NSD3: variants seen among roughly 807,000 people sequenced by gnomAD.
NSD3 encodes the protein nuclear receptor binding SET domain protein 3, also known as histone-lysine N-methyltransferase NSD3.
NSD3 carries 24 observed loss-of-function variants against 160.8 expected under a neutral mutation model. The ratio of observed to expected loss-of-function variants is 0.15; its 90% CI spans 0.11 to 0.21. NSD3 has a LOEUF of 0.21. Ranked by LOEUF, NSD3 falls within the 10% of genes least tolerant of loss-of-function variation. The pLI is 1.00. For synonymous variants in NSD3, 520 were observed against 600.0 expected, an observed-to-expected ratio of 0.87 and a Z score of 1.95; for missense variants, 1,157 against 1,735.9, an observed-to-expected ratio of 0.67 and a Z score of 5.93.
chr8:38,342,908 C>T (rs558491170), intron 2 of NSD3, among the ~76,000 whole-genome samples: 9 of 151,762 alleles, frequency 5.9e-5, no homozygotes, highest in South Asian at 2.1e-4. Context: ...GAGTATACTA[C>T]AGGCCAGGTG....
chr8:38,313,772 A>T (rs1809591024), intron 12 of NSD3, among the ~76,000 whole-genome samples: 1 of 148,718 alleles, frequency 6.7e-6, no homozygotes, highest in African/African-American at 2.5e-5. Flanking sequence ...TGGGCGACAG[A>T]GCGAGACTCT....
intron 4 of NSD3, among the ~76,000 whole-genome samples, chr8:38,333,608 C>T (rs1395795406): frequency 6.6e-6 from 1 of 152,170 alleles, no homozygotes; most frequent in African/African-American, 2.4e-5. Flanking sequence ...TGGCTCACGC[C>T]TGTAATCCCA....
intron 1 of NSD3, among the ~76,000 whole-genome samples, chr8:38,360,002 T>A (rs941505946): frequency 6.6e-6 from 1 of 151,500 alleles, no homozygotes; most frequent in Non-Finnish European, 1.5e-5. Context: ...TCAAACAATT[T>A]TTTTTTTTTT....
chr8:38,300,808 G>A (rs895356446), intron 14 of NSD3, among the ~76,000 whole-genome samples: 2 of 152,132 alleles, frequency 1.3e-5, no homozygotes, highest in African/African-American at 4.8e-5. Flanking sequence ...ACAAATTACG[G>A]CAGCAGTTTT....
chr8:38,314,683 G>T lies in NSD3; in HGVS notation c.2206C>A (p.Pro736Thr). ...TCCATGCAGATGAACTTGCTATCAG[G>T]AAGTGATGCCAATCCCAGGCACTCC... is the stretch of plus-strand genomic sequence containing the variant. ...HLECLGLASL[P>T]DSKFICMECK... The change falls in exon 12 of 24, where the codon CCT becomes ACT. Residue 736 changes from proline (P) to threonine (T), a missense_variant. Around this residue, in one of 10 missense-constraint regions of NSD3, gnomAD observed 437 missense variants for 576.6 expected, o/e 0.76. Transcript: ENST00000317025. 1 of 1,614,118 alleles carries T rather than the reference G, an allele frequency of 6.2e-7. No homozygotes were observed. Among genetic ancestry groups the T allele is most frequent in the Non-Finnish European group, 8.5e-7 (1 of 1,179,972 alleles).
intron 1 of NSD3, among the ~76,000 whole-genome samples, chr8:38,356,557 A>G (rs1439852322): frequency 2.0e-5 from 3 of 151,986 alleles, no homozygotes; most frequent in East Asian, 1.9e-4. Flanking sequence ...TCTCTAAAAT[A>G]AAAAAAAGAG....
rs897181806 is a variant in NSD3 at position 38,326,490 on chromosome 8, C to T, written c.1708+240G>A. Among the ~76,000 whole-genome samples, 10 of 152,338 alleles carry T rather than the reference C, an allele frequency of 6.6e-5. No homozygotes were observed. In the East Asian group the frequency reaches 1.9e-3, roughly 29 times the overall value. ...ATACATATAGAGTTTTATAGCTATACACTTTTAATTATAGAACCCTATTAT... is the reference window on the plus strand; with the variant it reads ...ATACATATAGAGTTTTATAGCTATATACTTTTAATTATAGAACCCTATTAT... On this transcript the variant is annotated intron_variant, in intron 7 of 23. Coordinates refer to ENST00000317025, the MANE Select transcript of NSD3 (RefSeq NM_023034.2).
chr8:38,308,873 T>A (rs540368268), intron 12 of NSD3, among the ~76,000 whole-genome samples: 2 of 152,038 alleles, frequency 1.3e-5, no homozygotes, highest in Admixed American at 1.3e-4. Context: ...CTAATATAAA[T>A]GAAAATAGTG....
chr8:38,306,269 T>C (rs1809390870), intron 12 of NSD3, among the ~76,000 whole-genome samples: 1 of 152,158 alleles, frequency 6.6e-6, no homozygotes, highest in South Asian at 2.1e-4. Flanking sequence ...GATATCACTA[T>C]ATTTTTGCTA....
chr8:38,309,849 G>A (rs1809492736), intron 12 of NSD3, among the ~76,000 whole-genome samples: 1 of 152,032 alleles, frequency 6.6e-6, no homozygotes, highest in Non-Finnish European at 1.5e-5. Context: ...AACATATTAG[G>A]TATGTACCTG....
intron 1 of NSD3, among the ~76,000 whole-genome samples, chr8:38,379,756 G>A (rs1811490261): frequency 6.6e-6 from 1 of 152,148 alleles, no homozygotes; most frequent in African/African-American, 2.4e-5. Context: ...ATGTTAACAG[G>A]CCTTCTTGGT....
In NSD3 at chr8:38,347,646, G is replaced by A; in HGVS notation, c.526C>T (p.Leu176Phe). ...ELFESSLCGD[L>F]LNEVQASEHT... ...TCACTTGCCTGTACTTCATTTAAAA[G>A]GTCTCCACAAAGGGAAGACTCAAAC... is the stretch of plus-strand genomic sequence containing the variant. The change falls in exon 2 of 24, where the codon CTT becomes TTT. Residue 176 changes from leucine (L) to phenylalanine (F), a missense_variant. By Grantham distance (22) the Leu-to-Phe change is conservative. This residue lies in a region of NSD3 where 99 missense variants were observed against 151.8 expected (regional missense o/e 0.65). Coordinates refer to ENST00000317025, the MANE Select transcript of NSD3 (RefSeq NM_023034.2). 6.2e-7 allele frequency: 1 copy of A among 1,613,400 alleles called. No individual in the cohort carries two copies. Among genetic ancestry groups the A allele is most frequent in the Non-Finnish European group, 8.5e-7 (1 of 1,180,024 alleles).
intron 12 of NSD3, among the ~76,000 whole-genome samples, chr8:38,305,815 T>C (rs1025492741): frequency 2.0e-5 from 3 of 152,178 alleles, no homozygotes; most frequent in African/African-American, 7.2e-5. Flanking sequence ...TGATTATTTC[T>C]ATGTGCAAAA....
chr8:38,305,756 T>C (rs994487363), intron 12 of NSD3, among the ~76,000 whole-genome samples: 1 of 152,150 alleles, frequency 6.6e-6, no homozygotes, highest in African/African-American at 2.4e-5. Flanking sequence ...TTTCCCCACA[T>C]AGAATAAATA....
intron 12 of NSD3, among the ~76,000 whole-genome samples, chr8:38,306,769 G>A (rs1599918): frequency 0.21 from 32,597 of 152,018 alleles, 3,707 homozygotes; most frequent in East Asian, 0.31. Context: ...AAATTAAAAT[G>A]TGTTCATCTT....
At chr8:38,276,769 C>T (rs777201092) in intron 22 of NSD3, 31 of 437,136 alleles carry the variant, frequency 7.1e-5, no homozygotes, top group Non-Finnish European at 1.1e-4. Flanking sequence ...ACTGCAGCCT[C>T]GACCTCCTGG....
intron 1 of NSD3, among the ~76,000 whole-genome samples, chr8:38,355,502 G>A (rs912621806): frequency 2.0e-5 from 3 of 151,880 alleles, no homozygotes; most frequent in African/African-American, 7.3e-5. Flanking sequence ...TAAAATAGTA[G>A]CAAACAATGT....
intron 1 of NSD3, among the ~76,000 whole-genome samples, chr8:38,369,108 T>TCA (rs1811175343): frequency 6.6e-6 from 1 of 152,200 alleles, no homozygotes; most frequent in African/African-American, 2.4e-5. Context: ...ATTTACTAAG[T>TCA]TTATCTTTTC....
At chr8:38,365,145 C>T (rs1032589400) in intron 1 of NSD3, among the ~76,000 whole-genome samples, 8 of 152,228 alleles carry the variant, frequency 5.3e-5, no homozygotes, top group East Asian at 1.9e-4. Context: ...TAATTGAGTT[C>T]GCAGAGAAAC....
Sources: allele counts gnomAD v4.1 joint callset (sites outside exome capture counted in the v4.1 genomes callset), GRCh38; gene constraint gnomAD v4.1.1; regional missense constraint gnomAD v4.1.1; transcripts MANE v1.5; gene names NCBI Gene and HGNC (gene_info 2026-07-23, HGNC 2026-07-21).